EYS: variants seen among roughly 807,000 people sequenced by gnomAD.
EYS encodes protein eyes shut homolog.
EYS carries 250 observed loss-of-function variants against 282.1 expected under a neutral mutation model. That is an observed-to-expected ratio of 0.89 (90% CI 0.80 to 0.98). The LOEUF (loss-of-function observed/expected upper bound fraction) is 0.98. Among genes scored for constraint, EYS ranks in the 50% least tolerant of loss-of-function variants. The pLI is 0.00. For synonymous variants in EYS, 1,355 were observed against 1,282.9 expected, an observed-to-expected ratio of 1.06 and a Z score of -1.20; for missense variants, 4,016 against 3,709.0, an observed-to-expected ratio of 1.08 and a Z score of -2.15.
At chr6:63,967,276 C>T (rs2149780623) in intron 35 of EYS, among the ~76,000 whole-genome samples, 1 of 152,254 alleles carries the variant, frequency 6.6e-6, no homozygotes, top group Middle Eastern at 3.4e-3. Flanking sequence ...CAATTTAAAA[C>T]TTATTAATTG....
intron 12 of EYS, among the ~76,000 whole-genome samples, chr6:65,275,497 T>C (rs986961995): frequency 6.6e-6 from 1 of 152,170 alleles, no homozygotes; most frequent in Non-Finnish European, 1.5e-5. Flanking sequence ...GGTTGCCACT[T>C]CTGCCACACT....
chr6:64,652,793 G>C (rs191222190), intron 22 of EYS, among the ~76,000 whole-genome samples: 149 of 152,214 alleles, frequency 9.8e-4, no homozygotes, highest in African/African-American at 3.5e-3. Context: ...AGCAAAATAT[G>C]ACATACTACA....
intron 8 of EYS, among the ~76,000 whole-genome samples, chr6:65,382,322 G>A (rs1041239435): frequency 2.0e-5 from 3 of 149,770 alleles, no homozygotes; most frequent in Admixed American, 6.8e-5. Context: ...GTGGTTTGAC[G>A]TAGGGGATAT....
At chr6:65,034,967 A>T (rs977576315) in intron 13 of EYS, among the ~76,000 whole-genome samples, 2 of 152,168 alleles carry the variant, frequency 1.3e-5, no homozygotes, top group African/African-American at 4.8e-5. Context: ...TACTCAAAAA[A>T]GTATTACCAA....
intron 22 of EYS, among the ~76,000 whole-genome samples, chr6:64,778,478 C>T (rs952326033): frequency 5.9e-5 from 9 of 152,130 alleles, no homozygotes; most frequent in Non-Finnish European, 1.3e-4. Context: ...CTTCTTTTGT[C>T]ACACAGGTCT....
At chr6:64,985,628 T>A (rs1041157140) in intron 14 of EYS, among the ~76,000 whole-genome samples, 1 of 151,550 alleles carries the variant, frequency 6.6e-6, no homozygotes, top group Non-Finnish European at 1.5e-5. Context: ...AAAATAAATT[T>A]CTTTAAAATA....
At chr6:64,242,385 A>G (rs1319462344) in intron 30 of EYS, among the ~76,000 whole-genome samples, 1 of 152,112 alleles carries the variant, frequency 6.6e-6, no homozygotes, top group African/African-American at 2.4e-5. Context: ...ACCAAATCAG[A>G]AAGTATCAGA....
intron 12 of EYS, among the ~76,000 whole-genome samples, chr6:65,291,367 A>C (rs1768519829): frequency 6.6e-6 from 1 of 151,624 alleles, no homozygotes; most frequent in African/African-American, 2.4e-5. Context: ...ATGAGGACAG[A>C]GAATTTGGTT....
intron 15 of EYS, among the ~76,000 whole-genome samples, chr6:64,938,532 G>C (rs1167516163): frequency 1.3e-5 from 2 of 151,496 alleles, no homozygotes; most frequent in African/African-American, 2.4e-5. Context: ...GTGATGTCTT[G>C]TCTTTACAAT....
At chr6:63,722,736 C>CTCCAG (rs1768452943) in intron 42 of EYS, among the ~76,000 whole-genome samples, 1 of 152,190 alleles carries the variant, frequency 6.6e-6, no homozygotes. Flanking sequence ...TTCTTCCTCC[C>CTCCAG]TCCAGAGTGC....
rs1001573075 is a variant in EYS, at chr6:64,894,964, T to C, written c.2846+7149A>G. ...TTTTACATTGGGGTAAGAGCTATTA[T>C]GGAGGAAAATCCAATTGGAAGATCT... is the stretch of plus-strand genomic sequence containing the variant. On this transcript the variant is annotated intron_variant, in intron 18 of 42. Transcript: ENST00000503581. Among the ~76,000 whole-genome samples, 3 of 152,264 alleles carry C rather than the reference T, an allele frequency of 2.0e-5. No individual in the cohort carries two copies. In the South Asian group the frequency reaches 6.2e-4, roughly 32 times the overall value.
chr6:64,250,048 A>C (rs1207616405), intron 30 of EYS, among the ~76,000 whole-genome samples: 1 of 152,234 alleles, frequency 6.6e-6, no homozygotes, highest in African/African-American at 2.4e-5. Flanking sequence ...CTGTGTGAAC[A>C]ATACAATTTA....
chr6:64,998,503 G>A (rs947216228), intron 13 of EYS, among the ~76,000 whole-genome samples: 2 of 152,152 alleles, frequency 1.3e-5, no homozygotes, highest in South Asian at 4.1e-4. Context: ...AATGTATCTA[G>A]CTTCTGGATT....
At chr6:65,181,857 A>G (rs1161732599) in intron 12 of EYS, among the ~76,000 whole-genome samples, 4 of 152,136 alleles carry the variant, frequency 2.6e-5, no homozygotes, top group Admixed American at 6.6e-5. Flanking sequence ...TCACATATAC[A>G]CCATGGAATA....
At chr6:64,611,587 T>A (rs1382654285) in intron 24 of EYS, among the ~76,000 whole-genome samples, 3 of 152,172 alleles carry the variant, frequency 2.0e-5, no homozygotes. Flanking sequence ...AATTGATTTT[T>A]ATATTATTTT....
chr6:63,799,133 C>T (rs886907304), intron 37 of EYS, among the ~76,000 whole-genome samples: 12 of 150,668 alleles, frequency 8.0e-5, no homozygotes, highest in African/African-American at 2.7e-4. Flanking sequence ...CCTGCCTCAG[C>T]CTCCTGAGTA....
chr6:65,154,132 A>G, intron 12 of EYS, among the ~76,000 whole-genome samples: 1 of 151,800 alleles, frequency 6.6e-6, no homozygotes. Flanking sequence ...TTTGAACCTC[A>G]CAGTGCCAAC....
In EYS at chr6:63,934,341, C is replaced by T. The variant is rs534592932; in HGVS notation, c.7055+50042G>A. On this transcript the variant is annotated intron_variant, in intron 35 of 42. Transcript: ENST00000503581. ...TCAACCATTGTGGAAGTCAGTGTGG[C>T]GATTCCTCAGGGATCTAGAACTAGA... Among the ~76,000 whole-genome samples the T allele has an allele frequency of 5.9e-5, 9 of 152,174 alleles. No individual in the cohort carries two copies. The South Asian group carries it at 6.2e-4, about 11-fold the overall frequency.
intron 14 of EYS, among the ~76,000 whole-genome samples, chr6:64,995,724 C>CCCCCCCT (rs1771237754): frequency 4.7e-5 from 7 of 148,880 alleles, no homozygotes; most frequent in Non-Finnish European, 7.4e-5. Flanking sequence ...TTCCCCCCCG[C>CCCCCCCT]CCCATATTCT....
Sources: allele counts gnomAD v4.1 joint callset (sites outside exome capture counted in the v4.1 genomes callset), GRCh38; gene constraint gnomAD v4.1.1; transcripts MANE v1.5; gene names NCBI Gene and HGNC (gene_info 2026-07-23, HGNC 2026-07-21).